The following LY96 variants were observed in gnomAD, a reference collection of about 807,000 sequenced individuals.
LY96 encodes the protein lymphocyte antigen 96, also known as myeloid differentiation protein-2.
A neutral mutation model predicts 18.9 loss-of-function variants in LY96; 18 were observed. That is an observed-to-expected ratio of 0.95 (90% CI 0.66 to 1.41). The LOEUF (loss-of-function observed/expected upper bound fraction) is 1.41. Ranked by LOEUF, LY96 falls within the 40% of genes most tolerant of loss-of-function variation. The probability of loss-of-function intolerance (pLI) is 0.00; values close to 1 mark genes in which losing one functional copy is unlikely to be tolerated. For synonymous variants in LY96, 66 were observed against 62.6 expected (o/e 1.06, Z -0.26); for missense variants, 175 against 182.4 (o/e 0.96, Z 0.23).
the LY96 span, among the ~76,000 whole-genome samples, chr8:74,091,950 G>A: frequency 1.3e-5 from 2 of 152,168 alleles, no homozygotes; most frequent in Non-Finnish European, 2.9e-5. Context: ...CATGCTGGGT[G>A]CTGGGGAAAC....
chr8:74,068,086 A>T, the LY96 span, among the ~76,000 whole-genome samples: 1 of 121,584 alleles, frequency 8.2e-6, no homozygotes, highest in African/African-American at 4.1e-5. Flanking sequence ...AAAAAAAAAA[A>T]AAAATATATA....
intron 1 of LY96, among the ~76,000 whole-genome samples, chr8:74,000,452 A>C (rs542006617): frequency 6.6e-6 from 1 of 152,248 alleles, no homozygotes; most frequent in Non-Finnish European, 1.5e-5. Context: ...CCACATTTCT[A>C]CCAACATTCT....
the LY96 span, among the ~76,000 whole-genome samples, chr8:74,081,838 G>C: frequency 6.6e-6 from 1 of 152,112 alleles, no homozygotes; most frequent in Non-Finnish European, 1.5e-5. Context: ...ATTTTTAGTA[G>C]AGATGGGGTT....
the LY96 span, among the ~76,000 whole-genome samples, chr8:74,048,221 C>T: frequency 6.6e-6 from 1 of 152,084 alleles, no homozygotes; most frequent in Non-Finnish European, 1.5e-5. Flanking sequence ...TTAATACATT[C>T]TTACTCTAGG....
chr8:74,056,650 T>C, the LY96 span: 1 of 153,812 alleles, frequency 6.5e-6, no homozygotes, highest in Non-Finnish European at 1.4e-5. Context: ...ACCTGTTTAA[T>C]ATTCAGACTT....
chr8:74,012,315 A>G (rs550943070), intron 3 of LY96, among the ~76,000 whole-genome samples: 1 of 152,364 alleles, frequency 6.6e-6, no homozygotes, highest in South Asian at 2.1e-4. Flanking sequence ...ATGGGTAAAT[A>G]AAATGTGGTA....
At chr8:74,087,204 C>A in the LY96 span, among the ~76,000 whole-genome samples, 1 of 152,166 alleles carries the variant, frequency 6.6e-6, no homozygotes, top group African/African-American at 2.4e-5. Context: ...TAGGGCAGTA[C>A]AAAACATGGT....
chr8:73,998,960 A>G (rs1449380466), intron 1 of LY96, among the ~76,000 whole-genome samples: 1 of 148,250 alleles, frequency 6.7e-6, no homozygotes, highest in Non-Finnish European at 1.5e-5. Context: ...TTTCTTTTCC[A>G]GATAGCTTGT....
At chr8:74,003,434 T>C (rs4738412) in intron 1 of LY96, among the ~76,000 whole-genome samples, 37,950 of 152,188 alleles carry the variant, frequency 0.25, 5,053 homozygotes, top group Non-Finnish European at 0.3. Flanking sequence ...CTCAGGACTA[T>C]ACATGAACAT....
intron 3 of LY96, among the ~76,000 whole-genome samples, chr8:74,016,221 G>A (rs1349776843): frequency 6.6e-6 from 1 of 152,226 alleles, no homozygotes. Context: ...TCCTGTGCAT[G>A]GCTCAGTGGG....
chr8:74,054,625 TTTC>T, the LY96 span, among the ~76,000 whole-genome samples: 18 of 102,760 alleles, frequency 1.8e-4, no homozygotes, highest in African/African-American at 6.7e-4. Context: ...TCCTTCTTTC[TTTC>T]TTTCTTTCTT....
At chr8:74,093,487 TG>T in the LY96 span, among the ~76,000 whole-genome samples, 1 of 152,234 alleles carries the variant, frequency 6.6e-6, no homozygotes, top group African/African-American at 2.4e-5. Flanking sequence ...TCTTAACATG[TG>T]GTAAATATGA....
intron 3 of LY96, among the ~76,000 whole-genome samples, chr8:74,018,296 T>G (rs1816686548): frequency 6.6e-6 from 1 of 152,084 alleles, no homozygotes; most frequent in African/African-American, 2.4e-5. Flanking sequence ...AAACAGACTT[T>G]AAACCAACAA....
intron 2 of LY96, among the ~76,000 whole-genome samples, chr8:74,008,186 G>C (rs1181635269): frequency 6.6e-5 from 10 of 152,224 alleles, no homozygotes; most frequent in Admixed American, 5.9e-4. Flanking sequence ...CAAGGACAAG[G>C]AGTTTCTCAC....
intron 4 of LY96, among the ~76,000 whole-genome samples, chr8:74,027,311 CT>C (rs546118809): frequency 0.037 from 5,030 of 135,424 alleles, 135 homozygotes; most frequent in Admixed American, 0.091. Flanking sequence ...TTAGAATTAG[CT>C]TTTTTTTTTT....
chr8:74,073,687 G>A, the LY96 span, among the ~76,000 whole-genome samples: 57 of 148,826 alleles, frequency 3.8e-4, no homozygotes, highest in African/African-American at 1.4e-3. Context: ...ATTTTGAGAC[G>A]GAGTCTTGCT....
chr8:73,991,470 C>G lies in LY96; in HGVS notation c.28C>G (p.Leu10Val), dbSNP rs1242600916. ...GTTACCATTTCTGTTTTTTTCCACC[C>G]TGTTTTCTTCCATATTTACTGAAGC... is the stretch of plus-strand genomic sequence containing the variant. Reference protein sequence around the residue: MLPFLFFSTLFSSIFTEAQK... With the variant: MLPFLFFSTVFSSIFTEAQK... Residue 10 changes from leucine to valine, a missense_variant, in exon 1 of 5, where the codon CTG becomes GTG. Physicochemically the swap from Leu to Val is conservative, Grantham distance 32. Transcript: ENST00000284818. The G allele has an allele frequency of 6.2e-7, 1 of 1,611,556 alleles. No individual in the cohort carries two copies. The highest frequency in any genetic ancestry group is 1.3e-5 in the African/African-American group (1 of 74,814).
intron 1 of LY96, among the ~76,000 whole-genome samples, chr8:74,003,934 A>C (rs1046480083): frequency 6.6e-6 from 1 of 152,042 alleles, no homozygotes; most frequent in Non-Finnish European, 1.5e-5. Context: ...CACTTCAGGG[A>C]GATGCAGGCA....
At chr8:74,029,431 AATTGAATC>A (rs1336053791), downstream of LY96, among the ~76,000 whole-genome samples, 1 of 152,156 alleles carries the variant, frequency 6.6e-6, no homozygotes, top group Non-Finnish European at 1.5e-5. Context: ...AGTGGGAGGT[AATTGAATC>A]ATGGGGATGG....
Sources: allele counts gnomAD v4.1 joint callset (sites outside exome capture counted in the v4.1 genomes callset), GRCh38; gene constraint gnomAD v4.1.1; transcripts MANE v1.5; gene names NCBI Gene and HGNC (gene_info 2026-07-23, HGNC 2026-07-21).